The following ARHGAP21 variants were observed in gnomAD, a reference collection of about 807,000 sequenced individuals.
The protein encoded by ARHGAP21 is Rho GTPase activating protein 21, also known as rho GTPase-activating protein 21.
ARHGAP21 carries 38 observed loss-of-function variants against 164.6 expected under a neutral mutation model. The observed-to-expected ratio is 0.23, with a 90% CI of 0.18 to 0.30. ARHGAP21 has a LOEUF of 0.30. Among genes scored for constraint, ARHGAP21 ranks in the 10% least tolerant of loss-of-function variants. The pLI is 1.00. For synonymous variants in ARHGAP21, 766 were observed against 857.9 expected (o/e 0.89, Z 1.87); for missense variants, 1,822 against 2,370.7 (o/e 0.77, Z 4.81).
At chr10:24,704,240 A>T (rs543307282) in intron 2 of ARHGAP21, among the ~76,000 whole-genome samples, 13 of 150,028 alleles carry the variant, frequency 8.7e-5, no homozygotes, top group Non-Finnish European at 1.3e-4. Flanking sequence ...GCCACAGGAG[A>T]TGTCATATGC....
intron 2 of ARHGAP21, among the ~76,000 whole-genome samples, chr10:24,694,487 T>C (rs890917235): frequency 6.6e-6 from 1 of 152,242 alleles, no homozygotes; most frequent in African/African-American, 2.4e-5. Context: ...TACACTAGGC[T>C]GAAGGTACCT....
At chr10:24,666,789 A>G (rs1840238556) in intron 4 of ARHGAP21, among the ~76,000 whole-genome samples, 196 bp downstream of exon 4, 1 of 152,206 alleles carries the variant, frequency 6.6e-6, no homozygotes, top group Non-Finnish European at 1.5e-5. Flanking sequence ...TACATGTTCA[A>G]ATTAAGATGA....
Position 24,700,449 on chromosome 10 carries a change from C to T in ARHGAP21, c.63+21388G>A, listed in dbSNP as rs562731209. 1.1e-4 allele frequency among the ~76,000 whole-genome samples: 17 copies of T among 152,294 alleles called. No individual in the cohort carries two copies. The South Asian group carries it at 3.3e-3, about 30-fold the overall frequency. ...TTACACCTAGGCAAGGCAAAACCCTCGGAGTTCTCAGCCTAAAGTCCAATT... is the reference window on the plus strand; with the variant it reads ...TTACACCTAGGCAAGGCAAAACCCTTGGAGTTCTCAGCCTAAAGTCCAATT... On this transcript the variant is annotated intron_variant, in intron 2 of 25. Transcript: ENST00000396432.
intron 15 of ARHGAP21, 147 bp downstream of exon 15, chr10:24,597,798 T>C (rs1044456857): frequency 2.8e-6 from 3 of 1,070,278 alleles, no homozygotes; most frequent in South Asian, 1.6e-5. Flanking sequence ...CATTACTATA[T>C]GGGAAAAAAT....
chr10:24,593,565 A>T (rs2076433619), intron 21 of ARHGAP21, among the ~76,000 whole-genome samples: 1 of 105,468 alleles, frequency 9.5e-6, no homozygotes, highest in South Asian at 3.0e-4. Flanking sequence ...CAGCTTATTC[A>T]TAAATTTAAA....
intron 4 of ARHGAP21, among the ~76,000 whole-genome samples, chr10:24,651,629 G>A (rs564742882): frequency 9.9e-5 from 15 of 152,248 alleles, no homozygotes; most frequent in African/African-American, 3.6e-4. Context: ...CACACACTGT[G>A]GACAAGTTTG....
At chr10:24,679,268 G>A (rs989183002) in intron 2 of ARHGAP21, among the ~76,000 whole-genome samples, 12 of 152,142 alleles carry the variant, frequency 7.9e-5, no homozygotes, top group East Asian at 1.9e-4. Flanking sequence ...TCAAGGCACC[G>A]GCAGATTCAG....
chr10:24,636,043 A>G (rs1011812583), intron 4 of ARHGAP21, among the ~76,000 whole-genome samples: 2 of 152,228 alleles, frequency 1.3e-5, no homozygotes, highest in African/African-American at 4.8e-5. Context: ...GTAAGTCAGA[A>G]TTTCACAAGC....
chr10:24,676,538 G>C (rs73606542), intron 2 of ARHGAP21, among the ~76,000 whole-genome samples: 1 of 152,152 alleles, frequency 6.6e-6, no homozygotes, highest in Admixed American at 6.5e-5. Context: ...CTCCAAAAGC[G>C]GGGAGGGTGG....
At chr10:24,670,514 A>C (rs1045229530) in intron 2 of ARHGAP21, 117 bp from the exon 3 acceptor site, 1 of 535,056 alleles carries the variant, frequency 1.9e-6, no homozygotes, top group Non-Finnish European at 3.0e-6. Context: ...TTTCTGATGC[A>C]TAAACTACAC....
At chr10:24,670,005 T>A (rs147893808) in intron 3 of ARHGAP21, among the ~76,000 whole-genome samples, 244 of 152,320 alleles carry the variant, frequency 1.6e-3, no homozygotes, top group African/African-American at 5.6e-3. Flanking sequence ...TTAGAATCAC[T>A]ATGATCTTTC....
chr10:24,638,663 G>A (rs1161010453), intron 4 of ARHGAP21, among the ~76,000 whole-genome samples: 1 of 152,152 alleles, frequency 6.6e-6, no homozygotes, highest in Admixed American at 6.5e-5. Flanking sequence ...AATTTTTTGA[G>A]AACACATGGG....
intron 2 of ARHGAP21, among the ~76,000 whole-genome samples, chr10:24,670,932 C>T (rs1387343894): frequency 6.6e-6 from 1 of 152,138 alleles, no homozygotes; most frequent in Non-Finnish European, 1.5e-5. Context: ...GACCTCCTCT[C>T]CTCCACTCTC....
chr10:24,670,291 G>T lies in ARHGAP21; in HGVS notation c.170C>A (p.Ser57Tyr). ...GPKTVTLKRT[S>Y]QGFGFTLRHF... ...TCTTAATGTAAAACCAAAGCCTTGA[G>T]ATGTTCTTTTCAACGTAACTGTTTT... Residue 57 changes from serine (S) to tyrosine (Y), a missense_variant, in exon 3 of 26, where the codon TCT becomes TAT. Ser to Tyr is a moderately radical substitution (Grantham distance 144). Transcript: ENST00000396432. The T allele has an allele frequency of 1.2e-6, 2 of 1,610,204 alleles. No homozygotes were observed. The highest frequency in any genetic ancestry group is 1.7e-6 in the Non-Finnish European group (2 of 1,177,978).
intron 4 of ARHGAP21, among the ~76,000 whole-genome samples, chr10:24,665,396 G>C (rs1024844522): frequency 6.6e-6 from 1 of 151,942 alleles, no homozygotes; most frequent in Non-Finnish European, 1.5e-5. Flanking sequence ...TCAACAGGTT[G>C]AGTGGTTAAA....
chr10:24,712,017 C>T (rs1448270749), intron 2 of ARHGAP21, among the ~76,000 whole-genome samples: 2 of 152,006 alleles, frequency 1.3e-5, no homozygotes, highest in African/African-American at 2.4e-5. Context: ...GGATTCAAGA[C>T]GATTTTCATG....
At chr10:24,607,423 T>C in intron 11 of ARHGAP21, 76 bp downstream of exon 11, 1 of 1,222,454 alleles carries the variant, frequency 8.2e-7, no homozygotes, top group Non-Finnish European at 1.2e-6. Flanking sequence ...ATCATTAAAT[T>C]CTGAACTTAT....
intron 4 of ARHGAP21, among the ~76,000 whole-genome samples, chr10:24,639,509 A>C (rs1293270474): frequency 6.6e-6 from 1 of 152,178 alleles, no homozygotes; most frequent in Non-Finnish European, 1.5e-5. Context: ...CAGGTTTACA[A>C]ACAGATCAGA....
Position 24,619,638 on chromosome 10 carries a change from G to A in ARHGAP21, c.2257C>T (p.His753Tyr), listed in dbSNP as rs761869137. ...TTTACTGCCAAGATGTAAGACTGAT[G>A]CCTTAAAGGCTGCGGTGTCTGGCGT... ...SGRQTPQPLRHQSYILAVNDQ... is the reference protein window; with the variant it reads ...SGRQTPQPLRYQSYILAVNDQ... The change falls in exon 9 of 26, where the codon CAT becomes TAT. Residue 753 changes from histidine (H) to tyrosine (Y), a missense_variant. Around this residue, in one of 5 missense-constraint regions of ARHGAP21, gnomAD observed 1,090 missense variants for 1,378.9 expected, o/e 0.79. Coordinates refer to ENST00000396432, the MANE Select transcript of ARHGAP21 (RefSeq NM_020824.4). The A allele has an allele frequency of 1.2e-6, 2 of 1,614,184 alleles. No homozygotes were observed. The highest frequency in any genetic ancestry group is 3.3e-5 in the Admixed American group (2 of 60,014).
Sources: gnomAD v4.1 joint callset for allele counts (sites outside exome capture counted in the v4.1 genomes callset) on GRCh38, gnomAD v4.1.1 for gene constraint, gnomAD v4.1.1 regional missense constraint, MANE v1.5 for transcripts, NCBI Gene and HGNC (gene_info 2026-07-23, HGNC 2026-07-21) for gene names.